CCDC102B: variants seen among roughly 807,000 people sequenced by gnomAD.
CCDC102B encodes coiled-coil domain containing 102B, also known as coiled-coil domain-containing protein 102B.
In CCDC102B, 75 loss-of-function variants were observed where a neutral mutation model predicts 57.4. That is an observed-to-expected ratio of 1.31 (90% CI 1.08 to 1.58). The LOEUF (loss-of-function observed/expected upper bound fraction) is 1.58, where lower values mean the gene tolerates loss of function less well. Ranked by LOEUF, CCDC102B falls within the 40% of genes most tolerant of loss-of-function variation. The pLI, the probability that CCDC102B is intolerant of heterozygous loss-of-function variation, is 0.00. For missense variants in CCDC102B, 636 were observed against 582.6 expected, an observed-to-expected ratio of 1.09 and a Z score of -0.94; for synonymous variants, 206 against 201.9, an observed-to-expected ratio of 1.02 and a Z score of -0.17.
chr18:68,796,097 A>G (rs966237402), upstream of CCDC102B, among the ~76,000 whole-genome samples: 6 of 152,176 alleles, frequency 3.9e-5, no homozygotes, highest in Admixed American at 3.3e-4. Context: ...AGTACCGGAA[A>G]TAGACTACTG....
At chr18:68,776,635 G>T (rs149686335) in intron 2 of CCDC102B, among the ~76,000 whole-genome samples, 36 of 152,028 alleles carry the variant, frequency 2.4e-4, no homozygotes, top group African/African-American at 8.7e-4. Context: ...GAACACAAGG[G>T]AACAACACAC....
Position 68,960,231 on chromosome 18 carries a change from C to T in CCDC102B, c.1264-50703C>T, listed in dbSNP as rs577308818. Among the ~76,000 whole-genome samples, 16 of 152,284 alleles carry T rather than the reference C, an allele frequency of 1.1e-4. No individual in the cohort carries two copies. In the South Asian group the frequency reaches 3.3e-3, roughly 32 times the overall value. Reference sequence around the variant, plus strand: ...CAATGAAACCTGCCAGGACTGTATCCTTCCCTTTAAGGCCTGGGGTCCCTT... The same window carrying T: ...CAATGAAACCTGCCAGGACTGTATCTTTCCCTTTAAGGCCTGGGGTCCCTT... On this transcript the variant is annotated intron_variant, in intron 6 of 7. Transcript: ENST00000360242.
At chr18:68,928,728 C>T (rs763782712) in intron 6 of CCDC102B, among the ~76,000 whole-genome samples, 26 of 151,808 alleles carry the variant, frequency 1.7e-4, no homozygotes, top group Non-Finnish European at 2.9e-4. Context: ...ATTTAATAAT[C>T]GTTACGTTAG....
At chr18:69,031,210 G>A (rs72959978) in intron 7 of CCDC102B, among the ~76,000 whole-genome samples, 5,041 of 152,196 alleles carry the variant, frequency 0.033, 144 homozygotes, top group East Asian at 0.16. Flanking sequence ...TCATTTCATC[G>A]TGTTATATAT....
chr18:68,776,367 G>T (rs1252306128), intron 2 of CCDC102B, among the ~76,000 whole-genome samples: 1 of 152,114 alleles, frequency 6.6e-6, no homozygotes, highest in African/African-American at 2.4e-5. Context: ...ACGCATGTGA[G>T]TGTTCCTTGT....
At chr18:68,741,870 G>T (rs1385412198) in intron 2 of CCDC102B, among the ~76,000 whole-genome samples, 1 of 152,150 alleles carries the variant, frequency 6.6e-6, no homozygotes, top group African/African-American at 2.4e-5. Flanking sequence ...AGGAGTGAGT[G>T]TTCCCATAGG....
At chr18:68,750,562 A>G (rs1034847990) in intron 2 of CCDC102B, among the ~76,000 whole-genome samples, 3 of 152,146 alleles carry the variant, frequency 2.0e-5, no homozygotes, top group Non-Finnish European at 2.9e-5. Flanking sequence ...ATTTCCATCA[A>G]TGATAGACTG....
intron 6 of CCDC102B, among the ~76,000 whole-genome samples, chr18:68,903,016 T>G (rs528183301): frequency 1.3e-5 from 2 of 152,260 alleles, no homozygotes; most frequent in African/African-American, 4.8e-5. Context: ...GATTTGTGGT[T>G]TAAGATAAGC....
intron 4 of CCDC102B, among the ~76,000 whole-genome samples, chr18:68,846,949 T>G (rs1034721026): frequency 6.6e-6 from 1 of 151,846 alleles, no homozygotes; most frequent in African/African-American, 2.4e-5. Context: ...CAGGGTACTT[T>G]TCTTTTGCAT....
At chr18:68,763,680 G>A (rs1722196862) in intron 2 of CCDC102B, among the ~76,000 whole-genome samples, 1 of 146,932 alleles carries the variant, frequency 6.8e-6, no homozygotes, top group Non-Finnish European at 1.5e-5. Context: ...AGGAATATTT[G>A]TTAAACAAAT....
chr18:68,919,998 G>C (rs1313608066), intron 6 of CCDC102B, among the ~76,000 whole-genome samples: 2 of 151,954 alleles, frequency 1.3e-5, no homozygotes, highest in South Asian at 2.1e-4. Flanking sequence ...TAAGTTCAAG[G>C]GTACATGTGC....
At chr18:68,827,935 A>T (rs1189608213) in intron 1 of CCDC102B, among the ~76,000 whole-genome samples, 2 of 151,968 alleles carry the variant, frequency 1.3e-5, no homozygotes, top group African/African-American at 4.8e-5. Flanking sequence ...TCACTTCAGA[A>T]CAAAACAAAA....
intron 6 of CCDC102B, among the ~76,000 whole-genome samples, chr18:69,001,802 AG>A (rs2051208195): frequency 6.6e-6 from 1 of 152,212 alleles, no homozygotes; most frequent in Admixed American, 6.5e-5. Flanking sequence ...GGTGTAAGGA[AG>A]GAAAGAAGAA....
chr18:68,743,131 T>C (rs536827191), intron 2 of CCDC102B, among the ~76,000 whole-genome samples: 19 of 152,002 alleles, frequency 1.2e-4, no homozygotes, highest in African/African-American at 4.6e-4. Flanking sequence ...TTTGGGAGGC[T>C]GAGGTGGGTG....
Position 69,054,573 on chromosome 18 carries a change from G to A in CCDC102B, c.*436G>A. 1 of 986,996 alleles carries A rather than the reference G, an allele frequency of 1.0e-6. No homozygotes were observed. Among genetic ancestry groups the A allele is most frequent in the Non-Finnish European group, 1.2e-6 (1 of 831,208 alleles). The allele number at this position is 986,996 out of a possible 1,614,324, so 61.1% of individuals were successfully genotyped here. ...TTTATGTACGTGTTGTCTATGTGGT[G>A]GGGATGGCAGGTTGTATTAACAAAA... is the stretch of plus-strand genomic sequence containing the variant. On this transcript the variant is annotated 3_prime_UTR_variant, in exon 8 of 8. Coordinates refer to ENST00000360242, the MANE Select transcript of CCDC102B (RefSeq NM_024781.3).
At chr18:68,847,161 G>A (rs2037904970) in intron 4 of CCDC102B, among the ~76,000 whole-genome samples, 1 of 151,548 alleles carries the variant, frequency 6.6e-6, no homozygotes, top group South Asian at 2.1e-4. Flanking sequence ...GTGGGTGTGT[G>A]TGCAATATAA....
chr18:68,926,602 C>T (rs554914331), intron 6 of CCDC102B, among the ~76,000 whole-genome samples: 1 of 151,926 alleles, frequency 6.6e-6, no homozygotes, highest in African/African-American at 2.4e-5. Context: ...TGTTATTTCA[C>T]GTATATTAAA....
chr18:68,729,122 T>G (rs2032743669), intron 2 of CCDC102B, among the ~76,000 whole-genome samples: 1 of 152,180 alleles, frequency 6.6e-6, no homozygotes, highest in South Asian at 2.1e-4. Context: ...TTAATGTTAG[T>G]AATAAAATGC....
chr18:68,778,175 C>T (rs11151465), intron 2 of CCDC102B, among the ~76,000 whole-genome samples: 9,791 of 152,060 alleles, frequency 0.064, 598 homozygotes, highest in African/African-American at 0.16. Context: ...TCCAAACTGT[C>T]GTAGTATATT....
Sources: allele counts gnomAD v4.1 joint callset (sites outside exome capture counted in the v4.1 genomes callset), GRCh38; gene constraint gnomAD v4.1.1; transcripts MANE v1.5; gene names NCBI Gene and HGNC (gene_info 2026-07-23, HGNC 2026-07-21).